Variants in PTPRD observed in about 807,000 individuals in gnomAD.
PTPRD encodes the protein receptor-type tyrosine-protein phosphatase delta.
PTPRD carries 34 observed loss-of-function variants against 214.5 expected under a neutral mutation model. That is an observed-to-expected ratio of 0.16 (90% CI 0.12 to 0.21). The LOEUF (loss-of-function observed/expected upper bound fraction) is 0.21, where lower values mean the gene tolerates loss of function less well. Ranked by LOEUF, PTPRD falls within the 10% of genes least tolerant of loss-of-function variation. The pLI, the probability that PTPRD is intolerant of heterozygous loss-of-function variation, is 1.00. For synonymous variants in PTPRD, 1,128 were observed against 845.7 expected (o/e 1.33, Z -5.79); for missense variants, 2,545 against 2,398.7 (o/e 1.06, Z -1.27).
chr9:10,233,668 A>C (rs969501824), intron 3 of PTPRD, among the ~76,000 whole-genome samples: 3 of 152,022 alleles, frequency 2.0e-5, no homozygotes, highest in Non-Finnish European at 2.9e-5. Context: ...TATAGACATT[A>C]TTAGTTCTGT....
intron 3 of PTPRD, among the ~76,000 whole-genome samples, chr9:10,329,242 A>G (rs1443734193): frequency 6.6e-6 from 1 of 150,662 alleles, no homozygotes; most frequent in Admixed American, 6.6e-5. Context: ...TCGCAAACAC[A>G]CTGGTTGCTT....
intron 9 of PTPRD, among the ~76,000 whole-genome samples, chr9:9,322,960 GT>G (rs968255064): frequency 1.3e-5 from 2 of 152,006 alleles, no homozygotes; most frequent in African/African-American, 4.8e-5. Context: ...ATTCTGTTAG[GT>G]TTTTAAAAAT....
At position 8,716,937 on chromosome 9, in the gene PTPRD, G is replaced by A. The variant is rs1333885779; in HGVS notation, c.64+16843C>T. ...GCTGGGCACTCTGGGAGGCTAAGGGGAGCAAATAGCTTAAGCCCAAGAGTT... is the reference window on the plus strand; with the variant it reads ...GCTGGGCACTCTGGGAGGCTAAGGGAAGCAAATAGCTTAAGCCCAAGAGTT... On this transcript the variant is annotated intron_variant, in intron 12 of 45. Transcript: ENST00000381196. Among the ~76,000 whole-genome samples, 3 of 152,148 alleles carry A rather than the reference G, an allele frequency of 2.0e-5. No individual in the cohort carries two copies. In the East Asian group the frequency reaches 5.8e-4, roughly 29 times the overall value.
At chr9:9,359,884 C>G (rs1054916820) in intron 9 of PTPRD, among the ~76,000 whole-genome samples, 3 of 151,302 alleles carry the variant, frequency 2.0e-5, no homozygotes, top group Admixed American at 6.6e-5. Flanking sequence ...GAGACACTTA[C>G]TTTCACAGCT....
chr9:8,583,584 TAA>T (rs931094448), intron 14 of PTPRD, among the ~76,000 whole-genome samples: 6 of 152,218 alleles, frequency 3.9e-5, no homozygotes, highest in African/African-American at 1.2e-4. Flanking sequence ...CCAATTTATG[TAA>T]AGTTTGAAAA....
At chr9:9,231,910 T>C (rs1382956914) in intron 9 of PTPRD, among the ~76,000 whole-genome samples, 2 of 152,152 alleles carry the variant, frequency 1.3e-5, no homozygotes, top group Non-Finnish European at 2.9e-5. Context: ...TTCTTCTCTT[T>C]TGTTTGATCT....
At chr9:8,898,797 C>G (rs2098641316) in intron 11 of PTPRD, among the ~76,000 whole-genome samples, 1 of 152,012 alleles carries the variant, frequency 6.6e-6, no homozygotes, top group South Asian at 2.1e-4. Context: ...GCATATCAGA[C>G]AGAGAAGTCA....
At chr9:8,787,879 A>G (rs1260787809) in intron 11 of PTPRD, among the ~76,000 whole-genome samples, 2 of 139,614 alleles carry the variant, frequency 1.4e-5, no homozygotes, top group South Asian at 2.4e-4. Context: ...TATAATTTCA[A>G]CCTCTAGAAA....
intron 11 of PTPRD, among the ~76,000 whole-genome samples, chr9:8,788,253 ATT>A (rs776984034): frequency 0.04 from 3,400 of 84,870 alleles, 117 homozygotes; most frequent in African/African-American, 0.17. Context: ...ATATAAGATG[ATT>A]TTTTTTTTTT....
intron 10 of PTPRD, among the ~76,000 whole-genome samples, chr9:9,110,174 A>G (rs936192723): frequency 4.6e-5 from 7 of 152,152 alleles, no homozygotes; most frequent in African/African-American, 1.4e-4. Flanking sequence ...GTATACTGCT[A>G]CTATGGCATT....
chr9:8,657,717 T>C (rs2096941283), intron 12 of PTPRD, among the ~76,000 whole-genome samples: 1 of 152,208 alleles, frequency 6.6e-6, no homozygotes, highest in South Asian at 2.1e-4. Context: ...CCCGTGCCTA[T>C]GTCCTGAATG....
At chr9:9,614,048 A>G (rs1037609350) in intron 7 of PTPRD, among the ~76,000 whole-genome samples, 5 of 152,040 alleles carry the variant, frequency 3.3e-5, no homozygotes, top group African/African-American at 1.2e-4. Context: ...AATACAATGT[A>G]CTCAGTACAG....
intron 5 of PTPRD, among the ~76,000 whole-genome samples, chr9:9,827,717 G>C (rs2153593787): frequency 6.6e-6 from 1 of 152,206 alleles, no homozygotes; most frequent in East Asian, 1.9e-4. Flanking sequence ...AGAATGAACA[G>C]AAAACCTACA....
chr9:10,028,950 G>C (rs1239992347), intron 4 of PTPRD, among the ~76,000 whole-genome samples: 1 of 152,110 alleles, frequency 6.6e-6, no homozygotes, highest in East Asian at 1.9e-4. Context: ...AGAAGCCTAG[G>C]AGATGGCAGG....
intron 3 of PTPRD, among the ~76,000 whole-genome samples, chr9:10,220,140 T>C (rs2099562174): frequency 6.6e-6 from 1 of 151,938 alleles, no homozygotes; most frequent in African/African-American, 2.4e-5. Flanking sequence ...TTAAAATTTT[T>C]TTTAGTATCA....
At chr9:8,665,811 C>G (rs1200546320) in intron 12 of PTPRD, among the ~76,000 whole-genome samples, 1 of 152,112 alleles carries the variant, frequency 6.6e-6, no homozygotes, top group Non-Finnish European at 1.5e-5. Flanking sequence ...AATTCAATAT[C>G]CAAAGAAATA....
At chr9:10,126,049 T>G (rs1265745723) in intron 3 of PTPRD, among the ~76,000 whole-genome samples, 1 of 152,120 alleles carries the variant, frequency 6.6e-6, no homozygotes, top group South Asian at 2.1e-4. Context: ...ATTTTTAATT[T>G]AGGCTTTCAA....
chr9:8,464,785 G>A (rs887868041), intron 32 of PTPRD, among the ~76,000 whole-genome samples: 2 of 150,196 alleles, frequency 1.3e-5, no homozygotes, highest in East Asian at 2.0e-4. Context: ...TTACATAAAA[G>A]AAGAAAACTC....
rs1170874875 is a variant in PTPRD, at chr9:8,331,705, T to A, written c.5411A>T (p.Gln1804Leu). 1 of 1,613,204 alleles carries A rather than the reference T, an allele frequency of 6.2e-7. No individual in the cohort carries two copies. Among genetic ancestry groups the A allele is most frequent in the Non-Finnish European group, 8.5e-7 (1 of 1,179,614 alleles). Reference sequence around the variant, plus strand: ...TCCTTGCTCTGGCCAGTCAGTGAACTGGAACTGCCTTACTGTTCGGGACTG... The same window carrying A: ...TCCTTGCTCTGGCCAGTCAGTGAACAGGAACTGCCTTACTGTTCGGGACTG... ...DGQSRTVRQFQFTDWPEQGVP... is the reference protein window; with the variant it reads ...DGQSRTVRQFLFTDWPEQGVP... The change falls in exon 44 of 46, where the codon CAG becomes CTG. Residue 1804 changes from glutamine (Q) to leucine (L), a missense_variant. Physicochemically the swap from Gln to Leu is moderately radical, Grantham distance 113. Coordinates refer to ENST00000381196, the MANE Select transcript of PTPRD (RefSeq NM_002839.4).
Sources: gnomAD v4.1 joint callset for allele counts (sites outside exome capture counted in the v4.1 genomes callset) on GRCh38, gnomAD v4.1.1 for gene constraint, MANE v1.5 for transcripts, NCBI Gene and HGNC (gene_info 2026-07-23, HGNC 2026-07-21) for gene names.